TNFRSF19: variants seen among roughly 807,000 people sequenced by gnomAD.
The protein encoded by TNFRSF19 is tumor necrosis factor receptor superfamily member 19.
In TNFRSF19, 27 loss-of-function variants were observed where a neutral mutation model predicts 46.4. That is an observed-to-expected ratio of 0.58 (90% CI 0.43 to 0.80). The LOEUF is 0.80. Ranked by LOEUF, TNFRSF19 falls within the 30% of genes least tolerant of loss-of-function variation. TNFRSF19 has a pLI of 0.00. For missense variants in TNFRSF19, 511 were observed against 530.8 expected (o/e 0.96, Z 0.37); for synonymous variants, 204 against 205.0 (o/e 1.00, Z 0.04).
At chr13:23,610,272 C>G (rs1376443076) in intron 3 of TNFRSF19, among the ~76,000 whole-genome samples, 1 of 152,168 alleles carries the variant, frequency 6.6e-6, no homozygotes, top group African/African-American at 2.4e-5. Flanking sequence ...GTAGGTAGGA[C>G]CCGCTTATGT....
At chr13:23,644,251 A>G (rs1157587812) in intron 5 of TNFRSF19, among the ~76,000 whole-genome samples, 1 of 152,188 alleles carries the variant, frequency 6.6e-6, no homozygotes, top group East Asian at 1.9e-4. Context: ...TGGTTTGGCT[A>G]TGTCCTCACC....
At chr13:23,593,313 A>T (rs777501072) in intron 2 of TNFRSF19, 32 bp from the exon 3 acceptor site, 2 of 1,371,508 alleles carry the variant, frequency 1.5e-6, no homozygotes, top group South Asian at 1.3e-5. Flanking sequence ...AACATACTTT[A>T]AGATAACATT....
In TNFRSF19 at chr13:23,674,507, C is replaced by A. The variant is rs1951800196; in HGVS notation, c.*1127C>A. The A allele has an allele frequency of 6.6e-6, 1 of 152,186 alleles. No homozygotes were observed. The highest frequency in any genetic ancestry group is 2.1e-4 in the South Asian group (1 of 4,828). The allele number at this position is 152,186 out of a possible 1,614,324, so 9.4% of individuals were successfully genotyped here. A position where few individuals can be genotyped will look rare whatever the true frequency, so the allele number is the denominator to read the frequency against. On this transcript the variant is annotated 3_prime_UTR_variant, in exon 10 of 10. Coordinates refer to ENST00000248484, the MANE Select transcript of TNFRSF19 (RefSeq NM_148957.4). ...GCACATCATCTCCTACTTTAGCCAT[C>A]CGGTGTTGGATTTAAGAGGACGGTG...
At chr13:23,613,678 A>G (rs1247343308) in intron 3 of TNFRSF19, among the ~76,000 whole-genome samples, 4 of 152,180 alleles carry the variant, frequency 2.6e-5, no homozygotes, top group African/African-American at 9.7e-5. Context: ...CTAGCTTGGG[A>G]ACAAGGTGGA....
intron 7 of TNFRSF19, among the ~76,000 whole-genome samples, chr13:23,663,795 A>G (rs1171506905): frequency 1.3e-5 from 2 of 152,102 alleles, no homozygotes; most frequent in African/African-American, 4.8e-5. Flanking sequence ...GTTCATGTGT[A>G]TAGAGATGTT....
intron 5 of TNFRSF19, among the ~76,000 whole-genome samples, chr13:23,643,057 A>G (rs775699027): frequency 8.5e-5 from 13 of 152,226 alleles, no homozygotes; most frequent in Non-Finnish European, 1.9e-4. Context: ...AATTGTTGAT[A>G]TTGCGTTCTT....
intron 5 of TNFRSF19, among the ~76,000 whole-genome samples, chr13:23,635,105 A>T (rs1178490018): frequency 6.6e-6 from 1 of 151,866 alleles, no homozygotes; most frequent in Non-Finnish European, 1.5e-5. Flanking sequence ...GGTGAGTCCT[A>T]CCCCAGGCCT....
intron 7 of TNFRSF19, among the ~76,000 whole-genome samples, chr13:23,661,754 A>T (rs1423791867): frequency 6.6e-6 from 1 of 152,152 alleles, no homozygotes; most frequent in African/African-American, 2.4e-5. Flanking sequence ...GTGAGATGGT[A>T]TCTCTTTGTG....
At chr13:23,662,847 G>A (rs926489936) in intron 7 of TNFRSF19, among the ~76,000 whole-genome samples, 1 of 152,176 alleles carries the variant, frequency 6.6e-6, no homozygotes, top group African/African-American at 2.4e-5. Flanking sequence ...GAATACTAAT[G>A]ATTTTTGTAC....
At chr13:23,614,680 A>G (rs1428215792) in intron 3 of TNFRSF19, among the ~76,000 whole-genome samples, 1 of 151,244 alleles carries the variant, frequency 6.6e-6, no homozygotes, top group African/African-American at 2.4e-5. Context: ...AAACCATCAC[A>G]AAGACCGACA....
chr13:23,591,385 G>A lies in TNFRSF19; in HGVS notation c.69+1133G>A, dbSNP rs551681406. On this transcript the variant is annotated intron_variant, in intron 2 of 9. Coordinates refer to ENST00000248484, the MANE Select transcript of TNFRSF19 (RefSeq NM_148957.4). ...GGAGAATCGCTTGAACATGGGAGGC[G>A]GAGGTTTCAGTGAGCTGAGATCACG... Among the ~76,000 whole-genome samples the A allele has an allele frequency of 3.4e-3, 514 of 152,150 alleles. 7 individuals are homozygous for A. The highest frequency in any genetic ancestry group is 0.012 in the African/African-American group (489 of 41,490).
intron 2 of TNFRSF19, among the ~76,000 whole-genome samples, chr13:23,593,026 G>T (rs967773360): frequency 6.6e-6 from 1 of 151,886 alleles, no homozygotes; most frequent in Non-Finnish European, 1.5e-5. Context: ...GAAGAGAACA[G>T]CTCCTAAGTC....
At chr13:23,652,431 G>A (rs1883706221) in intron 5 of TNFRSF19, among the ~76,000 whole-genome samples, 1 of 152,156 alleles carries the variant, frequency 6.6e-6, no homozygotes, top group Non-Finnish European at 1.5e-5. Flanking sequence ...TATATAGATT[G>A]TTAACTAAGA....
At chr13:23,610,609 A>G (rs1196661595) in intron 3 of TNFRSF19, among the ~76,000 whole-genome samples, 7 of 152,134 alleles carry the variant, frequency 4.6e-5, no homozygotes, top group Non-Finnish European at 1.5e-5. Flanking sequence ...ATTGCTCCCT[A>G]GGATTTTTTT....
In TNFRSF19 at chr13:23,668,758, C is replaced by T. The variant is rs1337084683; in HGVS notation, c.906C>T (p.Gly302=). The change falls in exon 9 of 10, where the codon GGC becomes GGT. Residue 302 remains glycine (G), a synonymous_variant. Transcript: ENST00000248484. ...GATCCCTCACGCAGTCCATCTGTGG[C>T]GAGTTTTCAGATGCCTGGCCTCTGA... The part of the protein sequence containing the change: ...FFGSLTQSIC[G]EFSDAWPLMQ... 2 of 1,614,230 alleles carry T rather than the reference C, an allele frequency of 1.2e-6. No homozygotes were observed. The highest frequency in any genetic ancestry group is 2.2e-5 in the East Asian group (1 of 44,892).
chr13:23,600,987 A>G (rs1165040263), intron 3 of TNFRSF19, among the ~76,000 whole-genome samples: 3 of 152,244 alleles, frequency 2.0e-5, no homozygotes, highest in Non-Finnish European at 4.4e-5. Flanking sequence ...GTTATCAGAG[A>G]GAATCAAGAA....
intron 6 of TNFRSF19, among the ~76,000 whole-genome samples, chr13:23,660,069 A>AG (rs1884258111): frequency 6.6e-6 from 1 of 152,144 alleles, no homozygotes; most frequent in Non-Finnish European, 1.5e-5. Context: ...GTGTTGCTTA[A>AG]GGGTCATCTG....
chr13:23,670,708 C>A (rs1017560653), intron 9 of TNFRSF19, among the ~76,000 whole-genome samples: 1 of 152,210 alleles, frequency 6.6e-6, no homozygotes, highest in Admixed American at 6.5e-5. Flanking sequence ...ACAAGTCCTT[C>A]AAAGCAGAGA....
chr13:23,609,532 G>A (rs1318193300), intron 3 of TNFRSF19, among the ~76,000 whole-genome samples: 1 of 152,136 alleles, frequency 6.6e-6, no homozygotes, highest in African/African-American at 2.4e-5. Flanking sequence ...TAACACGATC[G>A]CCTCGCAGCA....
Sources: gnomAD v4.1 joint callset for allele counts (sites outside exome capture counted in the v4.1 genomes callset) on GRCh38, gnomAD v4.1.1 for gene constraint, MANE v1.5 for transcripts, NCBI Gene and HGNC (gene_info 2026-07-23, HGNC 2026-07-21) for gene names.